The following SPATA6 variants were observed in gnomAD, a reference collection of about 807,000 sequenced individuals.
SPATA6 encodes spermatogenesis-associated protein 6.
Under a neutral mutation model 65.3 loss-of-function variants are expected in SPATA6, and 56 were observed. The observed-to-expected ratio is 0.86, with a 90% CI of 0.69 to 1.07. The LOEUF (loss-of-function observed/expected upper bound fraction) is 1.07, where lower values mean the gene tolerates loss of function less well. Ranked by LOEUF, SPATA6 falls within the 50% of genes least tolerant of loss-of-function variation. The probability of loss-of-function intolerance (pLI) is 0.00; values close to 1 mark genes in which losing one functional copy is unlikely to be tolerated. For synonymous variants in SPATA6, 199 were observed against 213.2 expected (o/e 0.93, Z 0.58); for missense variants, 590 against 594.8 (o/e 0.99, Z 0.08).
intron 11 of SPATA6, among the ~76,000 whole-genome samples, chr1:48,322,074 A>G (rs992853813): frequency 7.2e-5 from 11 of 151,980 alleles, no homozygotes; most frequent in Admixed American, 6.6e-4. Context: ...AGTAGGTGGG[A>G]AAAAAAAGAC....
At chr1:48,379,246 G>A (rs919235311) in intron 9 of SPATA6, among the ~76,000 whole-genome samples, 12 of 152,132 alleles carry the variant, frequency 7.9e-5, no homozygotes, top group East Asian at 1.9e-4. Context: ...ATCAGAACTC[G>A]TGAGAACTCA....
At chr1:48,281,364 T>C in the SPATA6 span, among the ~76,000 whole-genome samples, 1 of 151,656 alleles carries the variant, frequency 6.6e-6, no homozygotes, top group African/African-American at 2.4e-5. Flanking sequence ...AAATAAAGGG[T>C]ATTCAATTAG....
chr1:48,400,687 A>G, intron 6 of SPATA6: 1 of 930,390 alleles, frequency 1.1e-6, no homozygotes, highest in Non-Finnish European at 1.5e-6. Context: ...AAATTTTTTA[A>G]GTGGATACAC....
chr1:48,365,482 T>C (rs916685203), intron 9 of SPATA6, among the ~76,000 whole-genome samples: 3 of 152,156 alleles, frequency 2.0e-5, no homozygotes, highest in Non-Finnish European at 4.4e-5. Context: ...CCTTGAGCAG[T>C]GGTTTATAGT....
intron 11 of SPATA6, among the ~76,000 whole-genome samples, chr1:48,346,309 C>CATTAGAG (rs1342033722): frequency 6.6e-6 from 1 of 151,942 alleles, no homozygotes; most frequent in Non-Finnish European, 1.5e-5. Flanking sequence ...ATAAACTAAG[C>CATTAGAG]ATTAGAGGAA....
Position 48,305,835 on chromosome 1 carries a change from C to A in SPATA6, c.1238G>T (p.Arg413Ile). 6.2e-7 allele frequency: 1 copy of A among 1,612,374 alleles called. No homozygotes were observed. Among genetic ancestry groups the A allele is most frequent in the Non-Finnish European group, 8.5e-7 (1 of 1,178,938 alleles). The change falls in exon 12 of 13, where the codon AGA (arginine) becomes ATA (isoleucine). Residue 413 changes from arginine to isoleucine, a missense_variant. Transcript: ENST00000371847. ...GGCAGAGTCTCTACATAAAAGACTT[C>A]TTTTCAGTTCCAGTTCATCATCTTT... ...LEKDDELELK[R>I]SLLCRDSAYD...
At chr1:48,265,308 T>C in the SPATA6 span, among the ~76,000 whole-genome samples, 1 of 151,606 alleles carries the variant, frequency 6.6e-6, no homozygotes, top group African/African-American at 2.4e-5. Flanking sequence ...ATAATATCTG[T>C]ATTATCAGCT....
At chr1:48,272,524 T>C in the SPATA6 span, among the ~76,000 whole-genome samples, 1 of 152,154 alleles carries the variant, frequency 6.6e-6, no homozygotes, top group Admixed American at 6.5e-5. Context: ...TTCCTTCTTT[T>C]ATTAAGGCAG....
intron 2 of SPATA6, among the ~76,000 whole-genome samples, chr1:48,451,974 G>A (rs975240451): frequency 6.6e-6 from 1 of 152,124 alleles, no homozygotes; most frequent in Non-Finnish European, 1.5e-5. Context: ...TTCAGGCTCA[G>A]CTTAAATGTT....
At chr1:48,394,712 G>A (rs1394584164) in intron 8 of SPATA6, among the ~76,000 whole-genome samples, 1 of 151,790 alleles carries the variant, frequency 6.6e-6, no homozygotes, top group Non-Finnish European at 1.5e-5. Context: ...TTCTCAGTAT[G>A]TAGTAAATTA....
chr1:48,330,018 A>G (rs935650397), intron 11 of SPATA6, among the ~76,000 whole-genome samples: 10 of 152,210 alleles, frequency 6.6e-5, no homozygotes, highest in African/African-American at 2.2e-4. Flanking sequence ...CAGCACCAGT[A>G]CCACAAACCC....
intron 11 of SPATA6, among the ~76,000 whole-genome samples, chr1:48,315,011 A>G (rs192580555): frequency 1.2e-3 from 182 of 152,344 alleles, no homozygotes; most frequent in African/African-American, 4.3e-3. Flanking sequence ...GAATCTCTGA[A>G]TAGACCAATA....
intron 3 of SPATA6, among the ~76,000 whole-genome samples, chr1:48,429,478 A>G (rs1654203470): frequency 6.6e-6 from 1 of 152,170 alleles, no homozygotes; most frequent in Non-Finnish European, 1.5e-5. Context: ...AAAATCGAAA[A>G]CAATAACAAA....
chr1:48,286,280 T>A, the SPATA6 span, among the ~76,000 whole-genome samples: 3 of 152,216 alleles, frequency 2.0e-5, no homozygotes, highest in African/African-American at 7.2e-5. Context: ...ACAGACATTT[T>A]AAAAATATTA....
intron 3 of SPATA6, among the ~76,000 whole-genome samples, chr1:48,438,132 C>T (rs1201382620): frequency 6.6e-6 from 1 of 152,140 alleles, no homozygotes; most frequent in African/African-American, 2.4e-5. Context: ...CACAATAAAT[C>T]TTGCTGCTGC....
chr1:48,367,863 CATT>C (rs1647079662), intron 9 of SPATA6, among the ~76,000 whole-genome samples: 1 of 152,182 alleles, frequency 6.6e-6, no homozygotes, highest in African/African-American at 2.4e-5. Context: ...TTATTTTGCT[CATT>C]AGTTCATGCA....
chr1:48,422,048 T>C (rs1440280429), intron 3 of SPATA6, among the ~76,000 whole-genome samples: 1 of 152,176 alleles, frequency 6.6e-6, no homozygotes, highest in Non-Finnish European at 1.5e-5. Flanking sequence ...AACTATGCAT[T>C]ATCAGTCCAA....
At chr1:48,306,043 T>C (rs1311316198) in intron 11 of SPATA6, among the ~76,000 whole-genome samples, 165 bp from the exon 12 acceptor site, 1 of 152,024 alleles carries the variant, frequency 6.6e-6, no homozygotes, top group Non-Finnish European at 1.5e-5. Context: ...TAAGTGATGA[T>C]TTACTATCCT....
chr1:48,398,142 AAAC>A (rs1027285800), intron 7 of SPATA6, among the ~76,000 whole-genome samples: 1 of 151,728 alleles, frequency 6.6e-6, no homozygotes, highest in Non-Finnish European at 1.5e-5. Flanking sequence ...AATATTGGTC[AAAC>A]AACAACAAAA....
Sources: gnomAD v4.1 joint callset for allele counts (sites outside exome capture counted in the v4.1 genomes callset) on GRCh38, gnomAD v4.1.1 for gene constraint, MANE v1.5 for transcripts, NCBI Gene and HGNC (gene_info 2026-07-23, HGNC 2026-07-21) for gene names.